The following UPK1B variants were observed in gnomAD, a reference collection of about 807,000 sequenced individuals.
UPK1B encodes the protein uroplakin-1b.
UPK1B carries 28 observed loss-of-function variants against 34.2 expected under a neutral mutation model. That is an observed-to-expected ratio of 0.82 (90% CI 0.61 to 1.12). UPK1B has a LOEUF of 1.12. Ranked by LOEUF, UPK1B falls within the 50% of genes most tolerant of loss-of-function variation. The probability of loss-of-function intolerance (pLI) is 0.00; values close to 1 mark genes in which losing one functional copy is unlikely to be tolerated. For synonymous variants in UPK1B, 81 were observed against 110.4 expected, an observed-to-expected ratio of 0.73 and a Z score of 1.67; for missense variants, 325 against 320.9, an observed-to-expected ratio of 1.01 and a Z score of -0.10.
At chr3:119,202,331 T>C (rs949744969) in intron 7 of UPK1B, among the ~76,000 whole-genome samples, 1 of 152,130 alleles carries the variant, frequency 6.6e-6, no homozygotes, top group Non-Finnish European at 1.5e-5. Flanking sequence ...ACTGCTTGGG[T>C]TTGAATCCCA....
At chr3:119,186,840 T>C in intron 2 of UPK1B, 30 bp downstream of exon 2, 1 of 1,599,262 alleles carries the variant, frequency 6.3e-7, no homozygotes, top group Non-Finnish European at 8.6e-7. Flanking sequence ...CAGGAAATTC[T>C]GCACTTCCTG....
intron 6 of UPK1B, among the ~76,000 whole-genome samples, chr3:119,195,638 C>CAGG (rs2078063301): frequency 6.6e-6 from 1 of 152,188 alleles, no homozygotes; most frequent in African/African-American, 2.4e-5. Flanking sequence ...TAATTATTCT[C>CAGG]AGGACTATAA....
intron 6 of UPK1B, 107 bp downstream of exon 6, chr3:119,194,505 C>G: frequency 1.8e-6 from 2 of 1,120,316 alleles, no homozygotes; most frequent in East Asian, 2.5e-5. Context: ...ATTCTACATT[C>G]TTTTCCCTAA....
chr3:119,190,972 C>G lies in UPK1B; in HGVS notation c.346-10C>G. The G allele has an allele frequency of 6.2e-7, 1 of 1,613,408 alleles. No homozygotes were observed. The highest frequency in any genetic ancestry group is 2.2e-5 in the East Asian group (1 of 44,866). On this transcript the variant is annotated splice_polypyrimidine_tract_variant and intron_variant, in intron 4 of 7. Coordinates refer to ENST00000264234, the MANE Select transcript of UPK1B (RefSeq NM_006952.4). ...ATCTCTCCCTCTTGTGTTGCCTCTT[C>G]CTACTATAGTTCACACCCAACCTCT...
chr3:119,190,928 C>T lies in UPK1B; in HGVS notation c.346-54C>T, dbSNP rs78275619. 413 of 1,603,132 alleles carry T rather than the reference C, an allele frequency of 2.6e-4. 4 individuals carry two copies. In the African/African-American group the frequency reaches 4.6e-3, roughly 18 times the overall value. On this transcript the variant is annotated intron_variant, in intron 4 of 7. Coordinates refer to ENST00000264234, the MANE Select transcript of UPK1B (RefSeq NM_006952.4). ...AAGACAGAGAAAAATATTTTCCTCT[C>T]CTTGAAAATTAGCGTGCTATCTCTC...
intron 1 of UPK1B, among the ~76,000 whole-genome samples, chr3:119,177,720 G>C (rs2077963595): frequency 6.6e-6 from 1 of 152,130 alleles, no homozygotes; most frequent in Non-Finnish European, 1.5e-5. Context: ...TGTTAAATTG[G>C]CTTTTTTGAT....
chr3:119,178,788 C>A (rs1396121460), intron 1 of UPK1B, among the ~76,000 whole-genome samples: 1 of 152,112 alleles, frequency 6.6e-6, no homozygotes, highest in Non-Finnish European at 1.5e-5. Context: ...GTAAATGGAA[C>A]ATCTGTGTTT....
rs145511410 is a variant in UPK1B, at chr3:119,184,539, G to A, written c.-28-2175G>A. The stretch of plus-strand genomic sequence containing the variant: ...TCGAGACCAGCCTGGCCAATATGGT[G>A]GAACCCCATCTCTACTAAAAATACA... On this transcript the variant is annotated intron_variant, in intron 1 of 7. Transcript: ENST00000264234. Among the ~76,000 whole-genome samples, 286 of 148,782 alleles carry A rather than the reference G, an allele frequency of 1.9e-3. 2 individuals are homozygous for A. The highest frequency in any genetic ancestry group is 6.8e-3 in the African/African-American group (272 of 40,294).
intron 7 of UPK1B, among the ~76,000 whole-genome samples, chr3:119,199,913 A>T (rs1267358705): frequency 2.0e-5 from 3 of 152,218 alleles, no homozygotes; most frequent in Admixed American, 1.3e-4. Context: ...GGAAATTAAC[A>T]TAGAAAAATT....
At chr3:119,188,709 C>T (rs1386853386) in intron 3 of UPK1B, among the ~76,000 whole-genome samples, 4 of 152,190 alleles carry the variant, frequency 2.6e-5, no homozygotes, top group African/African-American at 4.8e-5. Flanking sequence ...CTGTTTCAGA[C>T]GTGGACCCCT....
chr3:119,198,095 C>T (rs2078074654), intron 6 of UPK1B, among the ~76,000 whole-genome samples: 1 of 149,914 alleles, frequency 6.7e-6, no homozygotes, highest in Non-Finnish European at 1.5e-5. Context: ...CCCACCCCCA[C>T]CCTCACACAC....
intron 1 of UPK1B, among the ~76,000 whole-genome samples, chr3:119,184,259 G>A (rs1173391074): frequency 1.3e-5 from 2 of 152,020 alleles, no homozygotes; most frequent in African/African-American, 2.4e-5. Flanking sequence ...TGTACGTCAC[G>A]GGGCATAATT....
chr3:119,176,782 A>G (rs1361945900), intron 1 of UPK1B, among the ~76,000 whole-genome samples: 1 of 152,208 alleles, frequency 6.6e-6, no homozygotes. Context: ...CAATATAGTC[A>G]GGGAGGCATT....
intron 1 of UPK1B, among the ~76,000 whole-genome samples, chr3:119,177,561 GT>G (rs1198382912): frequency 1.3e-5 from 2 of 152,194 alleles, no homozygotes; most frequent in Non-Finnish European, 2.9e-5. Context: ...GCCAATAACT[GT>G]CCTAGGATGA....
intron 5 of UPK1B, among the ~76,000 whole-genome samples, chr3:119,192,962 C>T (rs1277646642): frequency 6.6e-6 from 1 of 151,468 alleles, no homozygotes; most frequent in Admixed American, 6.6e-5. Context: ...TTTCATCCCT[C>T]TCATCTGCTT....
intron 6 of UPK1B, among the ~76,000 whole-genome samples, chr3:119,195,668 C>T (rs2078063558): frequency 6.6e-6 from 1 of 152,210 alleles, no homozygotes; most frequent in Non-Finnish European, 1.5e-5. Context: ...GATATTTCAA[C>T]ACTGGAACTG....
chr3:119,174,892 AT>A (rs5852188), intron 1 of UPK1B, among the ~76,000 whole-genome samples: 100 of 139,422 alleles, frequency 7.2e-4, no homozygotes, highest in African/African-American at 1.1e-3. Context: ...CAACTCACCT[AT>A]TTTTTTTTTT....
chr3:119,190,387 C>A, intron 4 of UPK1B, 68 bp downstream of exon 4: 2 of 1,226,244 alleles, frequency 1.6e-6, no homozygotes, highest in South Asian at 2.5e-5. Flanking sequence ...ATGTATTAAC[C>A]CCTTACTATG....
chr3:119,179,392 TATATATTA>T (rs1256386439), intron 1 of UPK1B, among the ~76,000 whole-genome samples: 13 of 93,164 alleles, frequency 1.4e-4, no homozygotes, highest in African/African-American at 5.7e-4. Context: ...TATATATATA[TATATATTA>T]ATTCTAAGGA....
Sources: gnomAD v4.1 joint callset for allele counts (sites outside exome capture counted in the v4.1 genomes callset) on GRCh38, gnomAD v4.1.1 for gene constraint, MANE v1.5 for transcripts, NCBI Gene and HGNC (gene_info 2026-07-23, HGNC 2026-07-21) for gene names.